ST6GAL1: variants seen among roughly 807,000 people sequenced by gnomAD.
ST6GAL1 encodes the protein ST6 beta-galactoside alpha-2,6-sialyltransferase 1.
A neutral mutation model predicts 38.0 loss-of-function variants in ST6GAL1; 20 were observed. The ratio of observed to expected loss-of-function variants is 0.53; its 90% CI spans 0.37 to 0.77. ST6GAL1 has a LOEUF of 0.77. Ranked by LOEUF, ST6GAL1 falls within the 30% of genes least tolerant of loss-of-function variation. The probability of loss-of-function intolerance (pLI) is 0.00; values close to 1 mark genes in which losing one functional copy is unlikely to be tolerated. For missense variants in ST6GAL1, 432 were observed against 496.4 expected, an observed-to-expected ratio of 0.87 and a Z score of 1.23; for synonymous variants, 196 against 188.2, an observed-to-expected ratio of 1.04 and a Z score of -0.34.
At chr3:186,984,456 G>A (rs1224951300) in intron 2 of ST6GAL1, among the ~76,000 whole-genome samples, 7 of 152,038 alleles carry the variant, frequency 4.6e-5, no homozygotes, top group Admixed American at 6.6e-5. Flanking sequence ...CCACCTCCCC[G>A]ACATCGTTGT....
At chr3:186,932,778 G>A (rs1348667704) in intron 1 of ST6GAL1, among the ~76,000 whole-genome samples, 1 of 152,068 alleles carries the variant, frequency 6.6e-6, no homozygotes, top group Non-Finnish European at 1.5e-5. Flanking sequence ...TTTAACGAGA[G>A]TCCCATGGAA....
intron 2 of ST6GAL1, among the ~76,000 whole-genome samples, chr3:186,981,377 A>T (rs1405134750): frequency 6.6e-6 from 1 of 152,186 alleles, no homozygotes; most frequent in Admixed American, 6.5e-5. Context: ...GCTTATGTAG[A>T]AGCTCTGGTT....
intron 1 of ST6GAL1, among the ~76,000 whole-genome samples, chr3:186,950,221 A>T (rs1468529763): frequency 6.6e-6 from 1 of 152,220 alleles, no homozygotes; most frequent in Non-Finnish European, 1.5e-5. Flanking sequence ...GGGCGGGGGC[A>T]GCATTGGATC....
intron 1 of ST6GAL1, among the ~76,000 whole-genome samples, chr3:186,939,400 C>G (rs371046556): frequency 1.5e-4 from 23 of 152,230 alleles, no homozygotes; most frequent in East Asian, 1.4e-3. Flanking sequence ...TTAAGCTTTA[C>G]TGCCCAAGTA....
At chr3:186,931,926 C>G (rs1032691890) in intron 1 of ST6GAL1, among the ~76,000 whole-genome samples, 1 of 152,252 alleles carries the variant, frequency 6.6e-6, no homozygotes. Flanking sequence ...TCTTTGCTTA[C>G]ATATGCTCAG....
chr3:187,006,464 C>G (rs1251753309), intron 2 of ST6GAL1: 1 of 152,200 alleles, frequency 6.6e-6, no homozygotes, highest in African/African-American at 2.4e-5. Flanking sequence ...GCTCCTTTCC[C>G]CTTTTCCCTG....
intron 2 of ST6GAL1, among the ~76,000 whole-genome samples, chr3:186,978,072 G>A (rs1244613626): frequency 1.3e-5 from 2 of 151,846 alleles, no homozygotes; most frequent in Non-Finnish European, 2.9e-5. Flanking sequence ...TTAGCCAGGC[G>A]TGGTGGCGCA....
At chr3:187,020,014 G>C (rs937615725) in intron 2 of ST6GAL1, among the ~76,000 whole-genome samples, 1 of 152,108 alleles carries the variant, frequency 6.6e-6, no homozygotes, top group African/African-American at 2.4e-5. Flanking sequence ...GAATAATCTG[G>C]TCAGCCGGGC....
intron 1 of ST6GAL1, among the ~76,000 whole-genome samples, chr3:186,947,567 A>T (rs565122039): frequency 6.6e-6 from 1 of 152,198 alleles, no homozygotes; most frequent in Non-Finnish European, 1.5e-5. Flanking sequence ...ATTGGTATTT[A>T]TTATTATTTA....
intron 2 of ST6GAL1, among the ~76,000 whole-genome samples, chr3:187,034,885 G>A (rs1043694996): frequency 5.3e-5 from 8 of 152,258 alleles, no homozygotes; most frequent in African/African-American, 1.9e-4. Flanking sequence ...ATTCAACATA[G>A]TATTGGAAGT....
At chr3:186,973,768 T>G (rs539849316) in intron 2 of ST6GAL1, among the ~76,000 whole-genome samples, 7 of 152,324 alleles carry the variant, frequency 4.6e-5, no homozygotes, top group Admixed American at 4.6e-4. Flanking sequence ...TGTAGGGCAG[T>G]GCTGCACTGA....
intron 2 of ST6GAL1, among the ~76,000 whole-genome samples, chr3:186,970,703 G>T (rs1318938150): frequency 6.6e-6 from 1 of 151,878 alleles, no homozygotes; most frequent in Non-Finnish European, 1.5e-5. Flanking sequence ...ATGCCCTTCA[G>T]GTCTACTAAA....
At chr3:186,966,665 C>G (rs1021396427) in intron 2 of ST6GAL1, among the ~76,000 whole-genome samples, 1 of 152,164 alleles carries the variant, frequency 6.6e-6, no homozygotes, top group African/African-American at 2.4e-5. Flanking sequence ...AGGTCTCTTC[C>G]TTGTAGTGTA....
rs116335843 is a variant in ST6GAL1, at chr3:187,014,581, C to T, written c.-182-24161C>T. 5.6e-3 allele frequency among the ~76,000 whole-genome samples: 855 copies of T among 152,334 alleles called. 10 individuals carry two copies. The highest frequency in any genetic ancestry group is 0.019 in the African/African-American group (809 of 41,576). On this transcript the variant is annotated intron_variant, in intron 2 of 7. Transcript: ENST00000169298. ...TCTTACATCTCCATCCTCCTAAGTCCACATTCTGTGCTTGGTCAGCATGCA... is the reference window on the plus strand; with the variant it reads ...TCTTACATCTCCATCCTCCTAAGTCTACATTCTGTGCTTGGTCAGCATGCA...
In ST6GAL1 at chr3:186,935,399, TTATC is replaced by T. The variant is rs1381502648; in HGVS notation, c.-325+4568_-325+4571del. Among the ~76,000 whole-genome samples, 16 of 152,288 alleles carry T rather than the reference TTATC, an allele frequency of 1.1e-4. 1 individual carries two copies. The East Asian group carries it at 2.7e-3, about 26-fold the overall frequency. On this transcript the variant is annotated intron_variant, in intron 1 of 7. Transcript: ENST00000169298. ...TATATATATATGTACCACATTTTCT[TTATC>T]TAGGCTACTGTTGATGGGTATTTAG...
chr3:186,987,654 T>C (rs1715998608), intron 2 of ST6GAL1, among the ~76,000 whole-genome samples: 1 of 152,196 alleles, frequency 6.6e-6, no homozygotes, highest in Non-Finnish European at 1.5e-5. Context: ...CTCAAGATCT[T>C]ACGGAGATGG....
At chr3:187,044,646 A>G (rs912458998) in intron 4 of ST6GAL1, among the ~76,000 whole-genome samples, 1 of 152,160 alleles carries the variant, frequency 6.6e-6, no homozygotes, top group African/African-American at 2.4e-5. Flanking sequence ...AATGTTTGGG[A>G]TATCCTAGGT....
chr3:187,053,516 T>G, intron 5 of ST6GAL1, among the ~76,000 whole-genome samples: 1 of 152,218 alleles, frequency 6.6e-6, no homozygotes, highest in East Asian at 1.9e-4. Flanking sequence ...TTTCTACATA[T>G]GGCTAGCCAG....
chr3:186,996,094 C>A lies in ST6GAL1; in HGVS notation c.-183+32168C>A, dbSNP rs528235635. On this transcript the variant is annotated intron_variant, in intron 2 of 7. Transcript: ENST00000169298. The stretch of plus-strand genomic sequence containing the variant: ...AAATAAAAATATGATATTTGAGATT[C>A]TTTTATTCTCTTTAAATATTTGAAT... Among the ~76,000 whole-genome samples, 6 of 152,176 alleles carry A rather than the reference C, an allele frequency of 3.9e-5. No individual in the cohort carries two copies. In the East Asian group the frequency reaches 1.2e-3, roughly 29 times the overall value.
Sources: gnomAD v4.1 joint callset for allele counts (sites outside exome capture counted in the v4.1 genomes callset) on GRCh38, gnomAD v4.1.1 for gene constraint, MANE v1.5 for transcripts, NCBI Gene and HGNC (gene_info 2026-07-23, HGNC 2026-07-21) for gene names.